Variants in NPHP4 observed in about 807,000 individuals in gnomAD.
NPHP4 encodes nephrocystin-4.
In NPHP4, 151 loss-of-function variants were observed where a neutral mutation model predicts 155.8. The observed-to-expected ratio is 0.97, with a 90% CI of 0.85 to 1.11. The LOEUF is 1.11. NPHP4 is among the 50% of genes least tolerant of loss of function. The pLI is 0.00. For missense variants in NPHP4, 1,956 were observed against 1,925.7 expected, an observed-to-expected ratio of 1.02 and a Z score of -0.29; for synonymous variants, 845 against 816.8, an observed-to-expected ratio of 1.03 and a Z score of -0.59.
chr1:5,937,852 A>G (rs1309833913), intron 9 of NPHP4, among the ~76,000 whole-genome samples: 2 of 152,226 alleles, frequency 1.3e-5, no homozygotes, highest in Non-Finnish European at 2.9e-5. Context: ...ATGTAGGTCT[A>G]TAATTATGCA....
chr1:5,920,562 C>T (rs1184416706), intron 11 of NPHP4, among the ~76,000 whole-genome samples: 5 of 152,232 alleles, frequency 3.3e-5, no homozygotes, highest in African/African-American at 1.2e-4. Context: ...AATGATCGCC[C>T]GACAATCGCT....
chr1:5,975,414 G>A (rs1224221159), intron 3 of NPHP4, among the ~76,000 whole-genome samples: 4 of 152,186 alleles, frequency 2.6e-5, no homozygotes, highest in Admixed American at 1.3e-4. Flanking sequence ...AATAGCACGG[G>A]GGCTTCAGCA....
intron 9 of NPHP4, among the ~76,000 whole-genome samples, chr1:5,934,103 C>T (rs1207640837): frequency 6.6e-6 from 1 of 152,186 alleles, no homozygotes; most frequent in Non-Finnish European, 1.5e-5. Context: ...AAGCTAAACC[C>T]CGGTCTTTTT....
chr1:5,916,585 A>G (rs533614390), intron 11 of NPHP4, among the ~76,000 whole-genome samples: 1 of 152,348 alleles, frequency 6.6e-6, no homozygotes, highest in Non-Finnish European at 1.5e-5. Context: ...ATGCTGCTAC[A>G]GCTCATTTGC....
chr1:5,887,427 G>A lies in NPHP4; in HGVS notation c.2344C>T (p.His782Tyr). 6.2e-7 allele frequency: 1 copy of A among 1,613,328 alleles called. No homozygotes were observed. Among genetic ancestry groups the A allele is most frequent in the Non-Finnish European group, 8.5e-7 (1 of 1,179,894 alleles). ...TCAGTTGCCACGACCTCAAGCTCGT[G>A]GGAGGCCTGCACAGCCGGCCGGCCT... is the stretch of plus-strand genomic sequence containing the variant. ...RQGRPAVQAS[H>Y]ELEVVATEYE... Residue 782 changes from histidine (H) to tyrosine (Y), a missense_variant, in exon 18 of 30, where the codon CAC becomes TAC. His to Tyr is a moderately conservative substitution (Grantham distance 83). Transcript: ENST00000378156.
In NPHP4 at chr1:5,905,763, G is replaced by A. The variant is rs201903713; in HGVS notation, c.1632C>T (p.Ala544=). 2.7e-4 allele frequency: 428 copies of A among 1,609,264 alleles called. 4 individuals carry two copies. The Middle Eastern group carries it at 4.6e-3, about 17-fold the overall frequency. Residue 544 remains alanine, a synonymous_variant, in exon 14 of 30, where the codon GCC becomes GCT. Transcript: ENST00000378156. This position sits in a 1 kb window ranked among gnomAD's most constrained non-coding sequence, Gnocchi z 4.0. ...PAQAQEFPLE[A]GISHLEADLS... is the part of the protein sequence containing the mutation. ...GGTCGGCTTCCAGGTGGGAGATACCGGCCTCCAACGGGAACTCCTGCTGAA... is the reference window on the plus strand; with the variant it reads ...GGTCGGCTTCCAGGTGGGAGATACCAGCCTCCAACGGGAACTCCTGCTGAA...
intron 5 of NPHP4, among the ~76,000 whole-genome samples, chr1:5,964,852 T>C (rs553608746): frequency 1.4e-5 from 2 of 146,256 alleles, no homozygotes; most frequent in Non-Finnish European, 3.0e-5. Context: ...TTTATATGTA[T>C]ATATTTTATA....
intron 1 of NPHP4, among the ~76,000 whole-genome samples, chr1:5,988,396 T>C (rs1655788939): frequency 6.6e-6 from 1 of 152,248 alleles, no homozygotes. Context: ...TTAAGGAGAC[T>C]GTAAAGATAT....
intron 6 of NPHP4, among the ~76,000 whole-genome samples, chr1:5,958,590 G>C (rs1163045436): frequency 6.6e-6 from 1 of 152,002 alleles, no homozygotes; most frequent in African/African-American, 2.4e-5. Context: ...AGCTACTCGG[G>C]AGGCTGAGGG....
At chr1:5,894,542 G>C (rs1016972055) in intron 16 of NPHP4, among the ~76,000 whole-genome samples, 2 of 150,734 alleles carry the variant, frequency 1.3e-5, no homozygotes, top group Admixed American at 6.6e-5. Context: ...AATCAAAAAA[G>C]ATTTTCTGGA....
intron 18 of NPHP4, chr1:5,880,921 G>A (rs17472436): frequency 0.12 from 17,975 of 152,552 alleles, 1,350 homozygotes; most frequent in Non-Finnish European, 0.17. Context: ...CACCGCCAAC[G>A]AAGCTGTGTC....
intron 5 of NPHP4, among the ~76,000 whole-genome samples, chr1:5,965,709 T>C (rs1329951407): frequency 1.3e-5 from 2 of 152,062 alleles, no homozygotes; most frequent in Non-Finnish European, 2.9e-5. Context: ...ACCGTTAGCC[T>C]TTCTTCCCTC....
chr1:5,942,749 T>C (rs1054068068), intron 9 of NPHP4, among the ~76,000 whole-genome samples: 11 of 152,092 alleles, frequency 7.2e-5, no homozygotes, highest in Non-Finnish European at 1.3e-4. Context: ...ACATGGGCCA[T>C]TGATTTTGTT....
rs767812333 is a variant in NPHP4, at chr1:5,907,119, T to G, written c.1607A>C (p.Gln536Pro). The change falls in exon 13 of 30, where the codon CAG becomes CCG. Residue 536 changes from glutamine to proline, a missense_variant. Transcript: ENST00000378156. ...CGGCAGGTGGGCGGCACTTACTGCC[T>G]GGGCCGGGGAGGCCTGAGAGCCATG... ...LPHGSQASPA[Q>P]AQEFPLEAGI... 6.6e-7 allele frequency: 1 copy of G among 1,522,840 alleles called. No individual in the cohort carries two copies. The highest frequency in any genetic ancestry group is 8.9e-7 in the Non-Finnish European group (1 of 1,129,398). 94.3% of individuals were successfully genotyped at this position (1,522,840 alleles called of 1,614,324 possible).
At chr1:5,903,827 C>T (rs1644786195) in intron 16 of NPHP4, among the ~76,000 whole-genome samples, 1 of 152,268 alleles carries the variant, frequency 6.6e-6, no homozygotes, top group Admixed American at 6.5e-5. Context: ...GTCACCTCTG[C>T]ACAAATGACA....
At chr1:5,891,115 AT>A in intron 16 of NPHP4, 87 bp from the exon 17 acceptor site, 1 of 954,990 alleles carries the variant, frequency 1.0e-6, no homozygotes, top group Non-Finnish European at 1.5e-6. Context: ...TCTGGTCATG[AT>A]TACTAATTTC....
Position 5,907,114 on chromosome 1 carries a change from C to T in NPHP4, c.1611+1G>A, listed in dbSNP as rs1213849176. Reference sequence around the variant, plus strand: ...CAAGGCGGCAGGTGGGCGGCACTTACTGCCTGGGCCGGGGAGGCCTGAGAG... The same window carrying T: ...CAAGGCGGCAGGTGGGCGGCACTTATTGCCTGGGCCGGGGAGGCCTGAGAG... On this transcript the variant is annotated splice_donor_variant, in intron 13 of 29. Transcript: ENST00000378156. LOFTEE classifies it high-confidence loss of function. The T allele has an allele frequency of 1.3e-6, 2 of 1,510,278 alleles. No homozygotes were observed. Among genetic ancestry groups the T allele is most frequent in the Non-Finnish European group, 1.8e-6 (2 of 1,121,924 alleles). 93.6% of individuals were successfully genotyped at this position (1,510,278 alleles called of 1,614,324 possible).
chr1:5,878,036 A>G (rs1382675781), intron 19 of NPHP4, among the ~76,000 whole-genome samples: 2 of 152,186 alleles, frequency 1.3e-5, no homozygotes, highest in African/African-American at 4.8e-5. Flanking sequence ...AGGCTGACAC[A>G]TGAGGCTCCC....
chr1:5,873,114 C>A, intron 23 of NPHP4, 138 bp downstream of exon 23: 1 of 738,302 alleles, frequency 1.4e-6, no homozygotes, highest in Non-Finnish European at 2.4e-6. Flanking sequence ...CGGAAAAGGC[C>A]ATTCCCAGGC....
Sources: gnomAD v4.1 joint callset for allele counts (sites outside exome capture counted in the v4.1 genomes callset) on GRCh38, gnomAD v4.1.1 for gene constraint, Gnocchi (gnomAD v3.1) non-coding constraint, MANE v1.5 for transcripts, NCBI Gene and HGNC (gene_info 2026-07-23, HGNC 2026-07-21) for gene names.